The following NQO2 variants were observed in gnomAD, a reference collection of about 807,000 sequenced individuals.
NQO2 encodes N-ribosyldihydronicotinamide:quinone dehydrogenase 2.
A neutral mutation model predicts 22.0 loss-of-function variants in NQO2; 18 were observed. The observed-to-expected ratio is 0.82, with a 90% CI of 0.56 to 1.21. The LOEUF (loss-of-function observed/expected upper bound fraction) is 1.21. Ranked by LOEUF, NQO2 falls within the 50% of genes most tolerant of loss-of-function variation. NQO2 has a pLI of 0.00. For synonymous variants in NQO2, 106 were observed against 110.8 expected, an observed-to-expected ratio of 0.96 and a Z score of 0.28; for missense variants, 267 against 286.9, an observed-to-expected ratio of 0.93 and a Z score of 0.50.
At position 3,012,598 on chromosome 6, in the gene NQO2, A is replaced by G. The variant is rs199558946; in HGVS notation, c.227A>G (p.Tyr76Cys). 5.5e-5 allele frequency: 88 copies of G among 1,614,206 alleles called. 1 individual carries two copies. The East Asian group carries it at 2.0e-3, about 36-fold the overall frequency. Residue 76 changes from tyrosine (Y) to cysteine (C), a missense_variant, in exon 4 of 7, where the codon TAC becomes TGC. Coordinates refer to ENST00000380455, the MANE Select transcript of NQO2 (RefSeq NM_000904.6). ...TATGGAGTGGAAACCCACGAAGCCT[A>G]CAAGCAAAGGTCTCTGGCTAGCGAC... is the stretch of plus-strand genomic sequence containing the variant. ...FNYGVETHEA[Y>C]KQRSLASDIT...
intron 6 of NQO2, among the ~76,000 whole-genome samples, chr6:3,019,179 G>T (rs1035514210): frequency 6.6e-6 from 1 of 152,086 alleles, no homozygotes; most frequent in Non-Finnish European, 1.5e-5. Flanking sequence ...ACCATAATTT[G>T]CCCAATCAAG....
intron 6 of NQO2, among the ~76,000 whole-genome samples, chr6:3,017,330 G>A (rs929079228): frequency 6.6e-6 from 1 of 152,226 alleles, no homozygotes; most frequent in African/African-American, 2.4e-5. Flanking sequence ...GGCCCTGCGT[G>A]TGTTGTGATA....
intron 6 of NQO2, among the ~76,000 whole-genome samples, chr6:3,019,004 A>G (rs1200254630): frequency 6.6e-6 from 1 of 152,078 alleles, no homozygotes; most frequent in Non-Finnish European, 1.5e-5. Context: ...CATAATTTTT[A>G]TTATAGGTTT....
intron 1 of NQO2, among the ~76,000 whole-genome samples, chr6:3,005,403 G>A (rs1756917277): frequency 1.3e-5 from 2 of 152,126 alleles, no homozygotes; most frequent in Admixed American, 1.3e-4. Context: ...CCTCACCTAC[G>A]TGTGTTTTGT....
At chr6:3,012,986 C>T (rs556884041) in intron 4 of NQO2, among the ~76,000 whole-genome samples, 7 of 55,030 alleles carry the variant, frequency 1.3e-4, no homozygotes, top group East Asian at 1.1e-3. Context: ...GACGGAGTCT[C>T]GCTCTGTCGC....
chr6:3,009,210 C>T (rs1387421621), intron 2 of NQO2, among the ~76,000 whole-genome samples: 1 of 152,218 alleles, frequency 6.6e-6, no homozygotes, highest in Non-Finnish European at 1.5e-5. Context: ...GACGCATTCT[C>T]TTTCTCAGGG....
intron 4 of NQO2, chr6:3,015,035 G>T: frequency 8.5e-7 from 1 of 1,178,008 alleles, no homozygotes; most frequent in Non-Finnish European, 1.1e-6. Context: ...TAATGTTAGG[G>T]CATCTATGGG....
At chr6:3,012,306 T>C in intron 3 of NQO2, 1 of 793,380 alleles carries the variant, frequency 1.3e-6, no homozygotes, top group Non-Finnish European at 1.5e-6. Flanking sequence ...CCAGTTGTTA[T>C]GAAGAAAGGT....
chr6:3,015,918 C>A (rs1378153180), intron 5 of NQO2, among the ~76,000 whole-genome samples: 1 of 152,102 alleles, frequency 6.6e-6, no homozygotes, highest in African/African-American at 2.4e-5. Context: ...TGACGGGGGA[C>A]CTGGGCAACC....
chr6:3,004,793 T>C (rs1756884697), intron 1 of NQO2: 1 of 289,136 alleles, frequency 3.5e-6, no homozygotes, highest in Non-Finnish European at 5.2e-6. Context: ...CTCTGCATTG[T>C]TTTTTTATCC....
intron 5 of NQO2, chr6:3,016,613 TCA>T: frequency 7.4e-6 from 2 of 271,430 alleles, no homozygotes; most frequent in Non-Finnish European, 1.1e-5. Flanking sequence ...GCCGTATCCA[TCA>T]CACATGGTGT....
intron 4 of NQO2, 79 bp downstream of exon 4, chr6:3,012,753 G>T: frequency 7.0e-7 from 1 of 1,422,500 alleles, no homozygotes; most frequent in East Asian, 2.3e-5. Flanking sequence ...GTTTTGTGCT[G>T]CTTCTGGAAG....
chr6:3,011,671 AG>A (rs1422372189), intron 3 of NQO2, among the ~76,000 whole-genome samples: 1 of 152,232 alleles, frequency 6.6e-6, no homozygotes, highest in African/African-American at 2.4e-5. Flanking sequence ...TCAAAGGTCA[AG>A]AACAAAAAGA....
In NQO2 at chr6:3,016,912, C is replaced by G; in HGVS notation, c.446C>G (p.Thr149Arg). ...AAACTAGCGCTCCTTTCCGTAACCACGGGAGGCACGGCCGAGATGTACACG... is the reference window on the plus strand; with the variant it reads ...AAACTAGCGCTCCTTTCCGTAACCAGGGGAGGCACGGCCGAGATGTACACG... ...QGKLALLSVT[T>R]GGTAEMYTKT... Residue 149 changes from threonine (T) to arginine (R), a missense_variant, in exon 6 of 7, where the codon ACG becomes AGG. Physicochemically the swap from Thr to Arg is moderately conservative, Grantham distance 71 (BLOSUM62 -1). Transcript: ENST00000380455. 6.2e-7 allele frequency: 1 copy of G among 1,612,170 alleles called. No homozygotes were observed. Among genetic ancestry groups the G allele is most frequent in the Admixed American group, 1.7e-5 (1 of 59,872 alleles).
At chr6:3,008,153 C>T (rs1045466413) in intron 2 of NQO2, among the ~76,000 whole-genome samples, 6 of 152,338 alleles carry the variant, frequency 3.9e-5, no homozygotes, top group South Asian at 2.1e-4. Flanking sequence ...TGCTGTGGCT[C>T]ATACCAGTAA....
intron 1 of NQO2, chr6:3,002,216 C>T (rs1032807418): frequency 2.5e-5 from 25 of 985,374 alleles, no homozygotes; most frequent in Middle Eastern, 5.2e-4. Context: ...AACATGATTT[C>T]GGGCAATCAC....
chr6:3,009,883 A>G, intron 2 of NQO2, 142 bp from the exon 3 acceptor site: 2 of 1,398,618 alleles, frequency 1.4e-6, no homozygotes, highest in African/African-American at 1.5e-5. Context: ...AGAGAGAAAG[A>G]GACAGAAAGA....
chr6:3,011,964 A>C (rs1757149743), intron 3 of NQO2, among the ~76,000 whole-genome samples: 1 of 152,256 alleles, frequency 6.6e-6, no homozygotes. Context: ...CTAATGTGCA[A>C]AAAGAAAACA....
intron 4 of NQO2, among the ~76,000 whole-genome samples, chr6:3,013,453 G>A (rs1240177296): frequency 6.6e-6 from 1 of 152,120 alleles, no homozygotes; most frequent in Non-Finnish European, 1.5e-5. Flanking sequence ...ACATTCTGGG[G>A]CTGCTTGAGA....
Sources: allele counts gnomAD v4.1 joint callset (sites outside exome capture counted in the v4.1 genomes callset), GRCh38; gene constraint gnomAD v4.1.1; transcripts MANE v1.5; gene names NCBI Gene and HGNC (gene_info 2026-07-23, HGNC 2026-07-21).